Variants in BANK1 observed in about 807,000 individuals in gnomAD.
BANK1 encodes the protein B-cell scaffold protein with ankyrin repeats.
BANK1 carries 95 observed loss-of-function variants against 94.5 expected under a neutral mutation model. The observed-to-expected ratio is 1.00, with a 90% CI of 0.85 to 1.19. BANK1 has a LOEUF of 1.19. Ranked by LOEUF, BANK1 falls within the 50% of genes most tolerant of loss-of-function variation. The pLI, the probability that BANK1 is intolerant of heterozygous loss-of-function variation, is 0.00. For synonymous variants in BANK1, 334 were observed against 308.4 expected (o/e 1.08, Z -0.87); for missense variants, 987 against 932.2 (o/e 1.06, Z -0.77).
rs558909969 is a variant in BANK1 at position 101,973,116 on chromosome 4, A to G, written c.1207-48398A>G. On this transcript the variant is annotated intron_variant, in intron 7 of 16. Coordinates refer to ENST00000322953, the MANE Select transcript of BANK1 (RefSeq NM_017935.5). ...TATAGTTAATAATAGAGTATTGTAC[A>G]TTCCAAATTTTCTAAGAGACTAAAT... Among the ~76,000 whole-genome samples the G allele has an allele frequency of 2.0e-5, 3 of 152,088 alleles. No individual in the cohort carries two copies. The South Asian group carries it at 6.2e-4, about 32-fold the overall frequency.
intron 7 of BANK1, among the ~76,000 whole-genome samples, chr4:101,997,228 A>G (rs998640737): frequency 1.1e-4 from 17 of 152,124 alleles, no homozygotes; most frequent in African/African-American, 3.9e-4. Flanking sequence ...GTGATGGATT[A>G]TGTTTATTGA....
chr4:101,830,728 T>C (rs1241338182), intron 2 of BANK1, among the ~76,000 whole-genome samples: 1 of 152,210 alleles, frequency 6.6e-6, no homozygotes, highest in African/African-American at 2.4e-5. Flanking sequence ...CAGCTTACAA[T>C]GTTAAAGCTT....
Position 101,849,148 on chromosome 4 carries a change from G to T in BANK1, c.470-5887G>T, listed in dbSNP as rs112081802. On this transcript the variant is annotated intron_variant, in intron 2 of 16. Coordinates refer to ENST00000322953, the MANE Select transcript of BANK1 (RefSeq NM_017935.5). Reference sequence around the variant, plus strand: ...ACATTAAAGTTGTCATTACTTCCTGGAGTCTCATGGCAATTGCAGGTAGGC... The same window carrying T: ...ACATTAAAGTTGTCATTACTTCCTGTAGTCTCATGGCAATTGCAGGTAGGC... Among the ~76,000 whole-genome samples, 739 of 152,280 alleles carry T rather than the reference G, an allele frequency of 4.9e-3. 4 individuals carry two copies. The highest frequency in any genetic ancestry group is 0.017 in the African/African-American group (718 of 41,564).
At chr4:102,029,329 T>A (rs906194025) in intron 9 of BANK1, among the ~76,000 whole-genome samples, 6 of 152,066 alleles carry the variant, frequency 3.9e-5, no homozygotes, top group African/African-American at 1.4e-4. Flanking sequence ...CCTGTCATTT[T>A]CAGAGAAATT....
intron 15 of BANK1, among the ~76,000 whole-genome samples, chr4:102,073,159 C>A (rs1352445536): frequency 6.6e-6 from 1 of 151,638 alleles, no homozygotes; most frequent in South Asian, 2.1e-4. Flanking sequence ...AAATCATTCA[C>A]CCTTAAAAAC....
intron 7 of BANK1, among the ~76,000 whole-genome samples, chr4:101,978,491 G>A (rs961046297): frequency 6.6e-5 from 10 of 151,974 alleles, no homozygotes; most frequent in African/African-American, 2.4e-4. Flanking sequence ...TCGTTTGAAG[G>A]TAGTCCCCTA....
At chr4:101,901,048 C>A (rs2148893238) in intron 6 of BANK1, among the ~76,000 whole-genome samples, 1 of 152,240 alleles carries the variant, frequency 6.6e-6, no homozygotes, top group Middle Eastern at 3.4e-3. Context: ...ATGTCCTACT[C>A]CAGAGAGAAG....
At chr4:101,810,087 A>G (rs2148853975) in intron 1 of BANK1, among the ~76,000 whole-genome samples, 1 of 152,298 alleles carries the variant, frequency 6.6e-6, no homozygotes, top group East Asian at 1.9e-4. Flanking sequence ...GCAGCATGAG[A>G]AGGACTTGGC....
At chr4:101,819,151 T>C (rs1389342319) in intron 1 of BANK1, among the ~76,000 whole-genome samples, 1 of 152,090 alleles carries the variant, frequency 6.6e-6, no homozygotes, top group African/African-American at 2.4e-5. Flanking sequence ...AAAAATACCA[T>C]GGTGGTATTT....
intron 2 of BANK1, among the ~76,000 whole-genome samples, chr4:101,845,672 T>G (rs1727216695): frequency 6.6e-6 from 1 of 152,224 alleles, no homozygotes; most frequent in Non-Finnish European, 1.5e-5. Flanking sequence ...TAAATCATCC[T>G]TGTGAGATAT....
chr4:101,839,949 T>A (rs1356810772), intron 2 of BANK1, among the ~76,000 whole-genome samples: 2,589 of 26,656 alleles, frequency 0.097, 228 homozygotes, highest in African/African-American at 0.26. Flanking sequence ...TTTTTTTTTT[T>A]TTTTTTTTTT....
At chr4:101,917,269 T>C (rs900131317) in intron 6 of BANK1, among the ~76,000 whole-genome samples, 6 of 152,116 alleles carry the variant, frequency 3.9e-5, no homozygotes, top group Admixed American at 3.3e-4. Context: ...AGTGCAAAAG[T>C]ATAGAATAAT....
At chr4:101,832,167 C>G (rs1389741374) in intron 2 of BANK1, among the ~76,000 whole-genome samples, 1 of 152,194 alleles carries the variant, frequency 6.6e-6, no homozygotes, top group Non-Finnish European at 1.5e-5. Context: ...GCTCTTCTGT[C>G]TCTAGCACTG....
Position 101,936,290 on chromosome 4 carries a change from TATGCACACATAC to T in BANK1, c.1206+18107_1206+18118del, listed in dbSNP as rs1723542016. On this transcript the variant is annotated intron_variant, in intron 7 of 16. Coordinates refer to ENST00000322953, the MANE Select transcript of BANK1 (RefSeq NM_017935.5). ...ATGCATACATGTATATGTACACATA[TATGCACACATAC>T]ATGCATATGTACACATATGTATCCA... is the stretch of plus-strand genomic sequence containing the variant. 4.0e-5 allele frequency among the ~76,000 whole-genome samples: 6 copies of T among 150,414 alleles called. No individual in the cohort carries two copies. In the South Asian group the frequency reaches 1.3e-3, roughly 31 times the overall value.
At chr4:101,894,157 G>C (rs535529911) in intron 5 of BANK1, among the ~76,000 whole-genome samples, 24 of 152,022 alleles carry the variant, frequency 1.6e-4, no homozygotes, top group Admixed American at 1.2e-3. Context: ...TGGTATCTGG[G>C]ACTCTTCATT....
intron 6 of BANK1, among the ~76,000 whole-genome samples, chr4:101,909,539 AAC>A (rs912139399): frequency 6.6e-6 from 1 of 151,986 alleles, no homozygotes; most frequent in African/African-American, 2.4e-5. Context: ...CTTAAAGTAT[AAC>A]ACACACACAC....
chr4:102,033,258 A>AT (rs1225347796), intron 10 of BANK1, among the ~76,000 whole-genome samples: 1 of 152,106 alleles, frequency 6.6e-6, no homozygotes, highest in African/African-American at 2.4e-5. Context: ...CTTCTGTTCA[A>AT]TTTCTCTAAT....
intron 7 of BANK1, among the ~76,000 whole-genome samples, chr4:101,957,265 T>G (rs569293405): frequency 6.6e-6 from 1 of 152,168 alleles, no homozygotes; most frequent in African/African-American, 2.4e-5. Flanking sequence ...TTCAGTCTCA[T>G]AGCCACTCTT....
intron 1 of BANK1, among the ~76,000 whole-genome samples, chr4:101,828,240 T>C (rs930616635): frequency 5.9e-5 from 9 of 151,896 alleles, no homozygotes; most frequent in Middle Eastern, 3.4e-3. Context: ...TTAGCATATT[T>C]TCTCTAATTT....
Sources: gnomAD v4.1 joint callset for allele counts (sites outside exome capture counted in the v4.1 genomes callset) on GRCh38, gnomAD v4.1.1 for gene constraint, MANE v1.5 for transcripts, NCBI Gene and HGNC (gene_info 2026-07-23, HGNC 2026-07-21) for gene names.